ANO1: variants seen among roughly 807,000 people sequenced by gnomAD.
ANO1 encodes anoctamin 1, also known as anoctamin-1.
A neutral mutation model predicts 124.0 loss-of-function variants in ANO1; 59 were observed. The ratio of observed to expected loss-of-function variants is 0.48; its 90% confidence interval spans 0.39 to 0.59. ANO1 has a LOEUF of 0.59. Among genes scored for constraint, ANO1 ranks in the 20% least tolerant of loss-of-function variants. The probability of loss-of-function intolerance (pLI) is 0.00; values close to 1 mark genes in which losing one functional copy is unlikely to be tolerated. For missense variants in ANO1, 1,059 were observed against 1,328.0 expected (o/e 0.80, Z 3.15); for synonymous variants, 529 against 532.0 (o/e 0.99, Z 0.08).
chr11:70,185,869 C>G (rs1407755116), intron 25 of ANO1, among the ~76,000 whole-genome samples, 174 bp downstream of exon 25: 1 of 152,120 alleles, frequency 6.6e-6, no homozygotes, highest in East Asian at 1.9e-4. Flanking sequence ...ACCCCAGGCC[C>G]CCTGCACTGA....
Position 70,131,973 on chromosome 11 carries a change from G to A in ANO1, c.1152G>A (p.Lys384=). The change falls in exon 11 of 26, where the codon AAG becomes AAA. Residue 384 remains lysine, a synonymous_variant. Coordinates refer to ENST00000355303, the MANE Select transcript of ANO1 (RefSeq NM_018043.7). ...HNITMCPLCD[K]TCSYWKMSSA... ...TCACCATGTGCCCGCTTTGCGACAA[G>A]ACCTGCAGCTACTGGAAGATGAGCT... 1 of 1,610,548 alleles carries A rather than the reference G, an allele frequency of 6.2e-7. No individual in the cohort carries two copies. Among genetic ancestry groups the A allele is most frequent in the Non-Finnish European group, 8.5e-7 (1 of 1,179,750 alleles).
chr11:70,080,117 G>T (rs144872395), intron 1 of ANO1, among the ~76,000 whole-genome samples: 2 of 152,380 alleles, frequency 1.3e-5, no homozygotes, highest in African/African-American at 4.8e-5. Context: ...AATGGTGATG[G>T]AACGTTACCC....
At chr11:70,054,070 A>C (rs1857395522) in intron 1 of ANO1, among the ~76,000 whole-genome samples, 1 of 152,082 alleles carries the variant, frequency 6.6e-6, no homozygotes, top group Non-Finnish European at 1.5e-5. Flanking sequence ...TGTCTTCTCT[A>C]TTTCATACTC....
intron 1 of ANO1, chr11:70,064,295 C>A (rs1448367790): frequency 6.6e-6 from 1 of 152,286 alleles, no homozygotes; most frequent in East Asian, 1.9e-4. Flanking sequence ...CCCCCTCACC[C>A]TCCTGGTGGG....
intron 22 of ANO1, among the ~76,000 whole-genome samples, chr11:70,176,595 G>A (rs2048710126): frequency 6.6e-6 from 1 of 152,160 alleles, no homozygotes; most frequent in Non-Finnish European, 1.5e-5. Context: ...GACTGTAAAT[G>A]TTTATCAGAC....
At chr11:70,100,720 C>T (rs2045232548) in intron 2 of ANO1, among the ~76,000 whole-genome samples, 1 of 152,212 alleles carries the variant, frequency 6.6e-6, no homozygotes, top group South Asian at 2.1e-4. Context: ...GATGACAGGA[C>T]CTGCCTCACA....
intron 12 of ANO1, among the ~76,000 whole-genome samples, chr11:70,150,108 G>A (rs1160004912): frequency 1.3e-5 from 2 of 152,152 alleles, no homozygotes; most frequent in Non-Finnish European, 2.9e-5. Flanking sequence ...TCGCGTCTGG[G>A]GGCTGCCTGG....
intron 1 of ANO1, chr11:70,085,357 T>G: frequency 1.1e-5 from 15 of 1,388,892 alleles, no homozygotes; most frequent in East Asian, 5.8e-5. Context: ...CACATGGGCG[T>G]GGTCGTGGCC....
At chr11:70,056,499 G>A (rs1011047453) in intron 1 of ANO1, 24 of 151,688 alleles carry the variant, frequency 1.6e-4, no homozygotes, top group Admixed American at 1.1e-3. Context: ...ATTCTGATAG[G>A]GTCTGGGCCA....
At chr11:70,023,483 T>C (rs1856840598) in intron 1 of ANO1, among the ~76,000 whole-genome samples, 1 of 152,192 alleles carries the variant, frequency 6.6e-6, no homozygotes, top group Non-Finnish European at 1.5e-5. Context: ...TCCCCAAATG[T>C]AGATGACCAT....
At chr11:70,144,792 C>G (rs1218852375) in intron 11 of ANO1, among the ~76,000 whole-genome samples, 2 of 152,194 alleles carry the variant, frequency 1.3e-5, no homozygotes, top group African/African-American at 4.8e-5. Context: ...AAGCCCCGTC[C>G]CTAATGCCAG....
intron 2 of ANO1, among the ~76,000 whole-genome samples, chr11:70,095,758 C>A (rs1032558450): frequency 6.6e-6 from 1 of 152,188 alleles, no homozygotes; most frequent in East Asian, 1.9e-4. Context: ...GCCCCTCACC[C>A]CCGCCGGAGC....
At chr11:70,136,493 T>A (rs2046960688) in intron 11 of ANO1, among the ~76,000 whole-genome samples, 1 of 118,472 alleles carries the variant, frequency 8.4e-6, no homozygotes, top group Non-Finnish European at 2.0e-5. Context: ...ACATCGTCCT[T>A]TGGCCGATTT....
At chr11:69,969,405 T>C in the ANO1 span, among the ~76,000 whole-genome samples, 2 of 152,096 alleles carry the variant, frequency 1.3e-5, no homozygotes, top group African/African-American at 4.8e-5. Context: ...CTCTCTCTTC[T>C]GGAAAAATGG....
intron 1 of ANO1, among the ~76,000 whole-genome samples, chr11:70,037,638 C>T (rs1460612475): frequency 1.3e-5 from 2 of 152,218 alleles, no homozygotes; most frequent in Admixed American, 6.5e-5. Context: ...GGGAGAGGCG[C>T]TCCCTGAGCC....
intron 22 of ANO1, among the ~76,000 whole-genome samples, chr11:70,176,203 G>C (rs1445765122): frequency 2.7e-5 from 4 of 149,398 alleles, no homozygotes; most frequent in African/African-American, 9.9e-5. Flanking sequence ...TTGACACCCA[G>C]GCTGAAGTGC....
intron 1 of ANO1, among the ~76,000 whole-genome samples, chr11:70,012,906 C>G (rs113307992): frequency 0.044 from 6,727 of 152,288 alleles, 490 homozygotes; most frequent in African/African-American, 0.15. Context: ...TCCCACTGGA[C>G]AACAAGACCA....
At chr11:70,007,573 C>A (rs1240003525) in intron 1 of ANO1, among the ~76,000 whole-genome samples, 1 of 152,206 alleles carries the variant, frequency 6.6e-6, no homozygotes, top group African/African-American at 2.4e-5. Context: ...AGCCACCGCG[C>A]CCGGCCACCT....
chr11:69,996,392 C>T (rs1471140419), intron 1 of ANO1, among the ~76,000 whole-genome samples: 9 of 152,194 alleles, frequency 5.9e-5, no homozygotes, highest in African/African-American at 1.9e-4. Context: ...TAGAAGTGTT[C>T]GGCTGAACAG....
Sources: gnomAD v4.1 joint callset for allele counts (sites outside exome capture counted in the v4.1 genomes callset) on GRCh38, gnomAD v4.1.1 for gene constraint, MANE v1.5 for transcripts, NCBI Gene and HGNC (gene_info 2026-07-23, HGNC 2026-07-21) for gene names.